CYTH4: variants seen among roughly 807,000 people sequenced by gnomAD.
CYTH4 encodes the protein cytohesin-4.
Under a neutral mutation model 57.5 loss-of-function variants are expected in CYTH4, and 22 were observed. The observed-to-expected ratio is 0.38, with a 90% CI of 0.27 to 0.55. The LOEUF (loss-of-function observed/expected upper bound fraction) is 0.55. Ranked by LOEUF, CYTH4 falls within the 20% of genes least tolerant of loss-of-function variation. The probability of loss-of-function intolerance (pLI) is 0.74; values close to 1 mark genes in which losing one functional copy is unlikely to be tolerated. For synonymous variants in CYTH4, 186 were observed against 206.5 expected, an observed-to-expected ratio of 0.90 and a Z score of 0.85; for missense variants, 420 against 535.6, an observed-to-expected ratio of 0.78 and a Z score of 2.13.
rs1000383415 is a variant in CYTH4 at position 37,295,747 on chromosome 22, G to A, written c.168-252G>A. ...AGGGCCCCTCCACCTTCTCCCACAC[G>A]GCAGCTCCGGGTTCCTGCAAGCTGC... On this transcript the variant is annotated intron_variant, in intron 3 of 12. Coordinates refer to ENST00000248901, the MANE Select transcript of CYTH4 (RefSeq NM_013385.5). The surrounding 1 kb of genome is among the most constrained non-coding windows in gnomAD (Gnocchi z 4.1). Among the ~76,000 whole-genome samples the A allele has an allele frequency of 1.3e-5, 2 of 152,190 alleles. No homozygotes were observed. Among genetic ancestry groups the A allele is most frequent in the East Asian group, 1.9e-4 (1 of 5,182 alleles).
Position 37,292,720 on chromosome 22 carries a change from G to A in CYTH4, c.102+17G>A, listed in dbSNP as rs778179820. On this transcript the variant is annotated intron_variant, in intron 2 of 12. Coordinates refer to ENST00000248901, the MANE Select transcript of CYTH4 (RefSeq NM_013385.5). Reference sequence around the variant, plus strand: ...GACATCCAGGTGAGTGCACACTCGTGTCCACACACGTGTCCATGCCCACAC... The same window carrying A: ...GACATCCAGGTGAGTGCACACTCGTATCCACACACGTGTCCATGCCCACAC... The A allele has an allele frequency of 3.7e-6, 6 of 1,611,940 alleles. No homozygotes were observed. The highest frequency in any genetic ancestry group is 5.1e-6 in the Non-Finnish European group (6 of 1,179,268).
At chr22:37,304,658 C>A (rs985186345) in intron 8 of CYTH4, among the ~76,000 whole-genome samples, 6 of 152,174 alleles carry the variant, frequency 3.9e-5, no homozygotes, top group African/African-American at 1.4e-4. Context: ...AGAACTGCCT[C>A]ACCCTTAACC....
At position 37,305,607 on chromosome 22, in the gene CYTH4, C is replaced by T. The variant is rs192211027; in HGVS notation, c.696+2205C>T. ...TCAAAAAGAAACACACAGGCAGCTG[C>T]GTGGATGTGGGGATCCTCTTGCCTT... On this transcript the variant is annotated intron_variant, in intron 8 of 12. Coordinates refer to ENST00000248901, the MANE Select transcript of CYTH4 (RefSeq NM_013385.5). 3.5e-4 allele frequency among the ~76,000 whole-genome samples: 53 copies of T among 152,282 alleles called. 1 individual carries two copies. In the East Asian group the frequency reaches 8.7e-3, roughly 25 times the overall value.
chr22:37,282,563 C>A lies in CYTH4; in HGVS notation c.-7C>A, dbSNP rs1343055365. 1.1e-5 allele frequency: 18 copies of A among 1,613,666 alleles called. No individual in the cohort carries two copies. The East Asian group carries it at 3.3e-4, about 30-fold the overall frequency. ...GCACGGGTCATCTTTTCCCCAGAGG[C>A]GTCGGAATGGACCTGTGCCACCCAG... On this transcript the variant is annotated 5_prime_UTR_variant, in exon 1 of 13. Transcript: ENST00000248901.
chr22:37,303,205 G>T (rs1306397901), intron 7 of CYTH4, 49 bp from the exon 8 acceptor site: 2 of 1,610,044 alleles, frequency 1.2e-6, no homozygotes, highest in Middle Eastern at 1.7e-4. Flanking sequence ...CGGGACAGAG[G>T]CAGGGAGAGT....
chr22:37,305,159 C>T (rs763731387), intron 8 of CYTH4, among the ~76,000 whole-genome samples: 8 of 152,164 alleles, frequency 5.3e-5, no homozygotes, highest in Non-Finnish European at 8.8e-5. Context: ...TCCCAGGTGC[C>T]ACATTATTGC....
intron 6 of CYTH4, chr22:37,300,119 G>A: frequency 1.4e-6 from 1 of 717,588 alleles, no homozygotes; most frequent in East Asian, 2.7e-5. Flanking sequence ...CACAGTGAGT[G>A]CTTAGTAAGT....
rs866133904 is a variant in CYTH4 at position 37,296,020 on chromosome 22, G to A, written c.189G>A (p.Lys63=). 1 of 1,613,308 alleles carries A rather than the reference G, an allele frequency of 6.2e-7. No individual in the cohort carries two copies. Among genetic ancestry groups the A allele is most frequent in the Non-Finnish European group, 8.5e-7 (1 of 1,179,652 alleles). The part of the protein sequence containing the change: ...AEESRMAQKE[K]ELCIGRKKFN... ...ACAGCCGGATGGCCCAGAAGGAGAA[G>A]GAGCTGTGTATTGGGCGCAAGAAGT... The change falls in exon 4 of 13, where the codon AAG becomes AAA. Residue 63 remains lysine (K), a synonymous_variant. Transcript: ENST00000248901.
At chr22:37,284,244 CA>C (rs1335251823) in intron 1 of CYTH4, among the ~76,000 whole-genome samples, 1 of 152,184 alleles carries the variant, frequency 6.6e-6, no homozygotes, top group East Asian at 1.9e-4. Context: ...ATTCACTCTA[CA>C]AACGACCTTC....
At chr22:37,297,260 C>A (rs1205620406) in intron 4 of CYTH4, among the ~76,000 whole-genome samples, 1 of 152,112 alleles carries the variant, frequency 6.6e-6, no homozygotes, top group South Asian at 2.1e-4. Flanking sequence ...ATCACAAATT[C>A]CTAGAGTCAC....
intron 1 of CYTH4, among the ~76,000 whole-genome samples, chr22:37,287,396 C>T (rs1928596312): frequency 6.6e-6 from 1 of 152,204 alleles, no homozygotes; most frequent in Non-Finnish European, 1.5e-5. Context: ...GGAATCCACT[C>T]AGCCTCCTCC....
At position 37,313,017 on chromosome 22, in the gene CYTH4, A is replaced by G. The variant is rs1174195280; in HGVS notation, c.1113-422A>G. Among the ~76,000 whole-genome samples, 3 of 152,186 alleles carry G rather than the reference A, an allele frequency of 2.0e-5. No homozygotes were observed. The East Asian group carries it at 5.8e-4, about 29-fold the overall frequency. On this transcript the variant is annotated intron_variant, in intron 12 of 12. Coordinates refer to ENST00000248901, the MANE Select transcript of CYTH4 (RefSeq NM_013385.5). Reference sequence around the variant, plus strand: ...GCAGACCCATTCTCACCTCCATCTTACACATGAGGAAACTGAGGCCCAGAG... The same window carrying G: ...GCAGACCCATTCTCACCTCCATCTTGCACATGAGGAAACTGAGGCCCAGAG...
Position 37,311,540 on chromosome 22 carries a change from G to C in CYTH4, c.957+13G>C. 6.2e-7 allele frequency: 1 copy of C among 1,613,510 alleles called. No individual in the cohort carries two copies. The highest frequency in any genetic ancestry group is 1.6e-4 in the Middle Eastern group (1 of 6,062). On this transcript the variant is annotated intron_variant, in intron 11 of 12. Coordinates refer to ENST00000248901, the MANE Select transcript of CYTH4 (RefSeq NM_013385.5). The surrounding 1 kb of genome is among the most constrained non-coding windows in gnomAD (Gnocchi z 4.4). ...CCCCAAGAAGCCAGTAGGTGTTCAG[G>C]TTGCAGGATCCCGAGGCTGGAGCCA...
chr22:37,313,273 T>C (rs1034874494), intron 12 of CYTH4, among the ~76,000 whole-genome samples, 166 bp from the exon 13 acceptor site: 5 of 152,248 alleles, frequency 3.3e-5, no homozygotes, highest in African/African-American at 1.2e-4. Flanking sequence ...CTTACAAGTC[T>C]GGACTTACCC....
At chr22:37,310,251 C>T (rs56306899) in intron 9 of CYTH4, among the ~76,000 whole-genome samples, 1 of 152,126 alleles carries the variant, frequency 6.6e-6, no homozygotes, top group Admixed American at 6.5e-5. Context: ...TGTCCGCCCC[C>T]GAGAAGCTCT....
intron 7 of CYTH4, among the ~76,000 whole-genome samples, chr22:37,302,689 C>T (rs1290680163): frequency 6.6e-6 from 1 of 152,158 alleles, no homozygotes; most frequent in Non-Finnish European, 1.5e-5. Flanking sequence ...GGCCCAAATA[C>T]TCGACAAAAG....
chr22:37,285,338 G>A (rs993649411), intron 1 of CYTH4, among the ~76,000 whole-genome samples: 2 of 151,770 alleles, frequency 1.3e-5, no homozygotes, highest in African/African-American at 4.9e-5. Flanking sequence ...TAAGTGAGAA[G>A]GAAACGGGGT....
chr22:37,289,504 C>T (rs1928672061), intron 1 of CYTH4, among the ~76,000 whole-genome samples: 1 of 152,210 alleles, frequency 6.6e-6, no homozygotes, highest in Non-Finnish European at 1.5e-5. Context: ...TGGGCATTTT[C>T]CTCTGTTGTT....
chr22:37,295,274 T>G lies in CYTH4; in HGVS notation c.167+550T>G, dbSNP rs28509228. On this transcript the variant is annotated intron_variant, in intron 3 of 12. Transcript: ENST00000248901. The surrounding 1 kb of genome is among the most constrained non-coding windows in gnomAD (Gnocchi z 4.1). ...GCTACACAGTCTCCTAAGGCCCCAG[T>G]GCACTGACTCTGACACACGATGTCC... is the stretch of plus-strand genomic sequence containing the variant. 0.53 allele frequency among the ~76,000 whole-genome samples: 80,727 copies of G among 151,806 alleles called. 22,637 individuals are homozygous for G. The highest frequency in any genetic ancestry group is 0.78 in the South Asian group (3,764 of 4,822).
Sources: allele counts gnomAD v4.1 joint callset (sites outside exome capture counted in the v4.1 genomes callset), GRCh38; gene constraint gnomAD v4.1.1; non-coding constraint Gnocchi (gnomAD v3.1); transcripts MANE v1.5; gene names NCBI Gene and HGNC (gene_info 2026-07-23, HGNC 2026-07-21).